The following ZNF385D variants were observed in gnomAD, a reference collection of about 807,000 sequenced individuals.
ZNF385D encodes the protein zinc finger protein 385D, also known as zinc finger protein 659.
Under a neutral mutation model 35.8 loss-of-function variants are expected in ZNF385D, and 15 were observed. That is an observed-to-expected ratio of 0.42 (90% CI 0.28 to 0.64). The LOEUF (loss-of-function observed/expected upper bound fraction) is 0.64. Among genes scored for constraint, ZNF385D ranks in the 30% least tolerant of loss-of-function variants. The pLI is 0.23. For missense variants in ZNF385D, 474 were observed against 494.6 expected (o/e 0.96, Z 0.39); for synonymous variants, 212 against 186.8 (o/e 1.13, Z -1.10).
intron 3 of ZNF385D, among the ~76,000 whole-genome samples, chr3:22,038,053 C>T (rs138302430): frequency 0.093 from 14,202 of 152,044 alleles, 754 homozygotes; most frequent in African/African-American, 0.14. Context: ...GGATCCCTTC[C>T]TTACACCTTA....
At chr3:21,452,347 CCT>C (rs1702510239) in intron 4 of ZNF385D, among the ~76,000 whole-genome samples, 2 of 152,028 alleles carry the variant, frequency 1.3e-5, no homozygotes, top group South Asian at 4.1e-4. Context: ...AAGCTTTCCC[CCT>C]GAGATCAAGA....
At chr3:22,200,027 G>A (rs578022895) in intron 2 of ZNF385D, among the ~76,000 whole-genome samples, 1 of 152,148 alleles carries the variant, frequency 6.6e-6, no homozygotes, top group East Asian at 1.9e-4. Context: ...CTATTTTATA[G>A]GTGGAGACTG....
intron 3 of ZNF385D, among the ~76,000 whole-genome samples, chr3:21,810,983 T>C: frequency 1.1e-5 from 1 of 94,206 alleles, no homozygotes; most frequent in Admixed American, 1.0e-4. Context: ...TGTGTGTGTG[T>C]GTGTGTGTGT....
chr3:21,582,265 G>T (rs191698782), intron 2 of ZNF385D, among the ~76,000 whole-genome samples: 1 of 152,178 alleles, frequency 6.6e-6, no homozygotes, highest in East Asian at 1.9e-4. Flanking sequence ...GGGTTTTTTG[G>T]TGGTTGGCAT....
Position 21,477,568 on chromosome 3 carries a change from G to A in ZNF385D, c.439+33293C>T, listed in dbSNP as rs565474873. 4.6e-5 allele frequency among the ~76,000 whole-genome samples: 7 copies of A among 152,192 alleles called. No homozygotes were observed. In the South Asian group the frequency reaches 1.0e-3, roughly 23 times the overall value. ...CTGATTCTTAAATACCCTACTAACT[G>A]TTAGATTTGTCTCCCTGATGTCAAG... On this transcript the variant is annotated intron_variant, in intron 4 of 7. Transcript: ENST00000281523.
chr3:22,321,880 CTTTA>C (rs1369209983), intron 2 of ZNF385D, among the ~76,000 whole-genome samples: 1 of 152,042 alleles, frequency 6.6e-6, no homozygotes, highest in Non-Finnish European at 1.5e-5. Context: ...GCTACACTCC[CTTTA>C]TTGAGTGTCT....
intron 3 of ZNF385D, among the ~76,000 whole-genome samples, chr3:21,820,445 GGGGTACAA>G (rs1034498666): frequency 2.3e-4 from 35 of 151,828 alleles, no homozygotes; most frequent in Middle Eastern, 3.4e-3. Flanking sequence ...CAATAGTTAA[GGGGTACAA>G]CAAAATCAGA....
chr3:21,696,813 C>T (rs1255969439), intron 1 of ZNF385D, among the ~76,000 whole-genome samples: 1 of 152,176 alleles, frequency 6.6e-6, no homozygotes, highest in African/African-American at 2.4e-5. Flanking sequence ...GTAGAGCATA[C>T]AATTACTGGG....
intron 1 of ZNF385D, among the ~76,000 whole-genome samples, chr3:21,721,536 G>C (rs1005326215): frequency 2.6e-5 from 4 of 151,860 alleles, no homozygotes; most frequent in Admixed American, 6.6e-5. Flanking sequence ...GAGTTTCTTT[G>C]AGATTTAATA....
chr3:21,877,749 A>T (rs1575822574), intron 3 of ZNF385D: 1 of 152,046 alleles, frequency 6.6e-6, no homozygotes, highest in East Asian at 1.9e-4. Context: ...AACCTAAGAA[A>T]ATTAACTCCA....
At chr3:21,571,787 A>G (rs1015302835) in intron 2 of ZNF385D, among the ~76,000 whole-genome samples, 1 of 152,126 alleles carries the variant, frequency 6.6e-6, no homozygotes. Context: ...TTATGATTAT[A>G]ATTTTATTGT....
chr3:21,615,483 A>G (rs1024191403), intron 2 of ZNF385D, among the ~76,000 whole-genome samples: 2 of 152,216 alleles, frequency 1.3e-5, no homozygotes, highest in South Asian at 4.1e-4. Context: ...ATGGCGTCAT[A>G]TTCAAATTAG....
intron 2 of ZNF385D, among the ~76,000 whole-genome samples, chr3:22,367,128 T>C (rs1696692615): frequency 6.6e-6 from 1 of 152,176 alleles, no homozygotes; most frequent in African/African-American, 2.4e-5. Flanking sequence ...TATATGATGA[T>C]AATAAAAATG....
chr3:22,082,803 G>A (rs943583889), intron 3 of ZNF385D, among the ~76,000 whole-genome samples: 3 of 152,144 alleles, frequency 2.0e-5, no homozygotes, highest in African/African-American at 7.2e-5. Context: ...TCCCAGTAGG[G>A]GCCGACTGAC....
intron 3 of ZNF385D, among the ~76,000 whole-genome samples, chr3:22,137,721 T>C (rs995440063): frequency 6.6e-5 from 10 of 152,132 alleles, no homozygotes; most frequent in Admixed American, 1.3e-4. Flanking sequence ...TCATACTGAA[T>C]GGACAAAAAC....
intron 3 of ZNF385D, among the ~76,000 whole-genome samples, chr3:21,978,601 G>C (rs1345870076): frequency 1.3e-5 from 2 of 152,110 alleles, no homozygotes; most frequent in Admixed American, 6.6e-5. Flanking sequence ...CTCCAGACTA[G>C]GCCTGATATT....
intron 3 of ZNF385D, among the ~76,000 whole-genome samples, chr3:21,544,247 A>G (rs73819522): frequency 0.017 from 2,635 of 152,320 alleles, 74 homozygotes; most frequent in African/African-American, 0.06. Flanking sequence ...CAGCTTCGCA[A>G]TTGGTAAGGC....
At chr3:21,441,388 A>G (rs528382813) in intron 4 of ZNF385D, among the ~76,000 whole-genome samples, 64 of 152,300 alleles carry the variant, frequency 4.2e-4, no homozygotes, top group South Asian at 1.2e-3. Flanking sequence ...AACTTGCCCA[A>G]CGCCAGAGCT....
intron 3 of ZNF385D, among the ~76,000 whole-genome samples, chr3:21,852,761 C>A (rs1462440283): frequency 2.0e-5 from 3 of 151,618 alleles, no homozygotes; most frequent in African/African-American, 7.3e-5. Flanking sequence ...GGATAAAGGT[C>A]AGTACAAAAT....
Sources: allele counts gnomAD v4.1 joint callset (sites outside exome capture counted in the v4.1 genomes callset), GRCh38; gene constraint gnomAD v4.1.1; transcripts MANE v1.5; gene names NCBI Gene and HGNC (gene_info 2026-07-23, HGNC 2026-07-21).